Variants in HSD17B12 observed in about 807,000 individuals in gnomAD.
HSD17B12 encodes the protein hydroxysteroid 17-beta dehydrogenase 12, also known as very-long-chain 3-oxoacyl-CoA reductase.
Under a neutral mutation model 39.3 loss-of-function variants are expected in HSD17B12, and 32 were observed. The observed-to-expected ratio is 0.81, with a 90% confidence interval of 0.61 to 1.09. The LOEUF (loss-of-function observed/expected upper bound fraction) is 1.09. HSD17B12 is among the 50% of genes least tolerant of loss of function. HSD17B12 has a pLI of 0.00. For synonymous variants in HSD17B12, 150 were observed against 146.7 expected (o/e 1.02, Z -0.16); for missense variants, 342 against 382.9 (o/e 0.89, Z 0.89).
chr11:43,645,980 C>CAA, the HSD17B12 span: 7 of 142,080 alleles, frequency 4.9e-5, no homozygotes, highest in African/African-American at 1.6e-4. Flanking sequence ...GACCCTGTCT[C>CAA]AAAAAAAAAA....
chr11:43,663,923 C>T, the HSD17B12 span, among the ~76,000 whole-genome samples: 360 of 151,696 alleles, frequency 2.4e-3, 3 homozygotes, highest in African/African-American at 8.2e-3. Flanking sequence ...AGTGCAGTGG[C>T]GTGATCTCAG....
the HSD17B12 span, among the ~76,000 whole-genome samples, chr11:43,640,202 A>AG: frequency 4.3e-4 from 65 of 152,112 alleles, no homozygotes; most frequent in African/African-American, 1.5e-3. Flanking sequence ...CACTGTGGGG[A>AG]GGGGGGAAAG....
chr11:43,747,375 G>A (rs1373525852), intron 1 of HSD17B12, among the ~76,000 whole-genome samples: 1 of 152,156 alleles, frequency 6.6e-6, no homozygotes, highest in African/African-American at 2.4e-5. Flanking sequence ...TGAAGTTGGT[G>A]GATCTTCAAT....
intron 4 of HSD17B12, among the ~76,000 whole-genome samples, chr11:43,800,959 C>T (rs12792819): frequency 0.36 from 54,542 of 151,690 alleles, 10,535 homozygotes; most frequent in East Asian, 0.68. Context: ...GCTAACATGA[C>T]GAAACCCCAT....
chr11:43,690,361 CATAT>C lies in HSD17B12; in HGVS notation c.160+9415_160+9418del, dbSNP rs61646858. Among the ~76,000 whole-genome samples the C allele has an allele frequency of 2.8e-3, 109 of 39,376 alleles. 3 individuals are homozygous for C. Among genetic ancestry groups the C allele is most frequent in the African/African-American group, 6.8e-3 (54 of 7,970 alleles). 25.8% of individuals were successfully genotyped at this position (39,376 alleles called of 152,430 possible). A position where few individuals can be genotyped will look rare whatever the true frequency, so the allele number is the denominator to read the frequency against. On this transcript the variant is annotated intron_variant, in intron 1 of 10. Transcript: ENST00000278353. The stretch of plus-strand genomic sequence containing the variant: ...ATATCTGTTAAGTAAGGTATTCATA[CATAT>C]ATATATATATATATATATATATATA...
At chr11:43,803,059 CATTT>C (rs1372897978) in intron 4 of HSD17B12, among the ~76,000 whole-genome samples, 1 of 152,142 alleles carries the variant, frequency 6.6e-6, no homozygotes, top group Non-Finnish European at 1.5e-5. Flanking sequence ...TTATTATTGA[CATTT>C]ATTAGCACAT....
At chr11:43,683,668 C>T (rs566550329) in intron 1 of HSD17B12, among the ~76,000 whole-genome samples, 7 of 152,224 alleles carry the variant, frequency 4.6e-5, no homozygotes, top group East Asian at 1.9e-4. Context: ...TTTTTCCCTA[C>T]GAAATTACTA....
chr11:43,566,855 A>C, the HSD17B12 span, among the ~76,000 whole-genome samples: 5 of 152,204 alleles, frequency 3.3e-5, no homozygotes, highest in Non-Finnish European at 7.3e-5. Flanking sequence ...TAATAATAAT[A>C]AGATCTGTGC....
intron 3 of HSD17B12, chr11:43,754,739 A>C (rs17513317): frequency 0.044 from 23,583 of 532,460 alleles, 676 homozygotes; most frequent in Non-Finnish European, 0.053. Flanking sequence ...CTGTGACTTC[A>C]TTTCAGTATT....
chr11:43,853,976 A>G (rs1251586577), intron 9 of HSD17B12: 1 of 152,218 alleles, frequency 6.6e-6, no homozygotes, highest in East Asian at 1.9e-4. Flanking sequence ...GTTGAATCAC[A>G]TCCAAAATGC....
intron 3 of HSD17B12, among the ~76,000 whole-genome samples, chr11:43,797,118 TCTAA>T (rs1438072488): frequency 6.6e-6 from 1 of 152,204 alleles, no homozygotes; most frequent in Non-Finnish European, 1.5e-5. Context: ...TTTCATTAAG[TCTAA>T]CTAAGAATCA....
chr11:43,558,825 A>T, the HSD17B12 span, among the ~76,000 whole-genome samples: 3 of 152,154 alleles, frequency 2.0e-5, no homozygotes, highest in Admixed American at 1.3e-4. Flanking sequence ...TTCAGCAGGG[A>T]AGTAGGAGAT....
the HSD17B12 span, chr11:43,581,616 G>T: frequency 1.3e-5 from 5 of 375,586 alleles, no homozygotes; most frequent in Non-Finnish European, 2.8e-5. The surrounding 1 kb of genome is among the most constrained non-coding windows in gnomAD (Gnocchi z 4.9). Context: ...CGTCCTTTCC[G>T]CGGTGCCCGA....
At chr11:43,663,965 C>T in the HSD17B12 span, among the ~76,000 whole-genome samples, 1 of 151,730 alleles carries the variant, frequency 6.6e-6, no homozygotes, top group Non-Finnish European at 1.5e-5. Context: ...TGGGTTCAAG[C>T]GATTCTCCTG....
chr11:43,773,340 C>T lies in HSD17B12; in HGVS notation c.283+19219C>T, dbSNP rs550413849. On this transcript the variant is annotated intron_variant, in intron 3 of 10. Transcript: ENST00000278353. ...CTCACTGTAACTTTAAACTCCTGGG[C>T]GCAAGCAGGTCTGCCTCAGCCACCC... Among the ~76,000 whole-genome samples, 596 of 152,164 alleles carry T rather than the reference C, an allele frequency of 3.9e-3. 1 individual carries two copies. The highest frequency in any genetic ancestry group is 0.014 in the African/African-American group (566 of 41,504).
At chr11:43,855,062 T>C (rs567463668) in intron 10 of HSD17B12, 82 bp from the exon 11 acceptor site, 131 of 1,141,642 alleles carry the variant, frequency 1.1e-4, no homozygotes, top group Non-Finnish European at 1.5e-4. Flanking sequence ...AACAACACTA[T>C]AATAAAACAT....
the HSD17B12 span, among the ~76,000 whole-genome samples, chr11:43,611,377 G>A: frequency 3.9e-5 from 6 of 152,180 alleles, no homozygotes; most frequent in African/African-American, 9.6e-5. Context: ...TTCTAGGTCC[G>A]GTGCAAATGA....
chr11:43,695,077 T>C (rs1247903082), intron 1 of HSD17B12, among the ~76,000 whole-genome samples: 2 of 151,888 alleles, frequency 1.3e-5, no homozygotes, highest in East Asian at 3.9e-4. Context: ...TCCCAGCCAT[T>C]TGGGAGGCCG....
chr11:43,775,829 A>G (rs912852303), intron 3 of HSD17B12, among the ~76,000 whole-genome samples: 17 of 146,870 alleles, frequency 1.2e-4, no homozygotes, highest in African/African-American at 3.8e-4. Context: ...TCATTGTTCA[A>G]TTCCCACCTA....
Sources: allele counts gnomAD v4.1 joint callset (sites outside exome capture counted in the v4.1 genomes callset), GRCh38; gene constraint gnomAD v4.1.1; non-coding constraint Gnocchi (gnomAD v3.1); transcripts MANE v1.5; gene names NCBI Gene and HGNC (gene_info 2026-07-23, HGNC 2026-07-21).